Variants in NF1 observed in about 807,000 individuals in gnomAD.
NF1 encodes neurofibromin.
In NF1, 122 loss-of-function variants were observed where a neutral mutation model predicts 325.7. The observed-to-expected ratio is 0.37, with a 90% confidence interval of 0.32 to 0.44. The LOEUF (loss-of-function observed/expected upper bound fraction) is 0.44. Among genes scored for constraint, NF1 ranks in the 20% least tolerant of loss-of-function variants. The pLI is 1.00. For synonymous variants in NF1, 1,091 were observed against 1,186.0 expected (o/e 0.92, Z 1.65); for missense variants, 2,140 against 3,415.4 (o/e 0.63, Z 9.31).
intron 36 of NF1, among the ~76,000 whole-genome samples, chr17:31,271,399 G>A (rs944721168): frequency 5.3e-5 from 8 of 152,108 alleles, no homozygotes; most frequent in African/African-American, 1.9e-4. Context: ...ACAGATGAAT[G>A]TGTTATTTTG....
In NF1 at chr17:31,375,481, T is replaced by C. The variant is rs1472969729; in HGVS notation, c.*1326T>C. 4.3e-6 allele frequency: 1 copy of C among 231,612 alleles called. No individual in the cohort carries two copies. Among genetic ancestry groups the C allele is most frequent in the African/African-American group, 2.2e-5 (1 of 45,260 alleles). 14.3% of individuals were successfully genotyped at this position (231,612 alleles called of 1,614,324 possible). A position where few individuals can be genotyped will look rare whatever the true frequency, so the allele number is the denominator to read the frequency against. On this transcript the variant is annotated 3_prime_UTR_variant, in exon 58 of 58. Coordinates refer to ENST00000358273, the MANE Select transcript of NF1 (RefSeq NM_001042492.3). ...TAATGCAGATCCAATTTCTTTGTGG[T>C]ACCTGCAGTTTACAAAATAATTTGA...
chr17:31,103,756 G>A (rs1301130172), intron 1 of NF1, among the ~76,000 whole-genome samples: 1 of 151,910 alleles, frequency 6.6e-6, no homozygotes, highest in Non-Finnish European at 1.5e-5. Flanking sequence ...GATCACTTGG[G>A]CCTCAGAGTT....
chr17:31,252,741 G>A (rs1264442453), intron 30 of NF1, 197 bp from the exon 31 acceptor site: 1 of 581,166 alleles, frequency 1.7e-6, no homozygotes, highest in Non-Finnish European at 3.1e-6. Context: ...TGCTGTTTTA[G>A]TGCTTGGCTT....
intron 1 of NF1, among the ~76,000 whole-genome samples, chr17:31,131,839 A>G (rs917465453): frequency 3.3e-5 from 5 of 152,052 alleles, no homozygotes; most frequent in Non-Finnish European, 5.9e-5. Context: ...TATATAATCT[A>G]TTTAATCTCT....
chr17:31,227,440 A>G (rs2067035466), intron 19 of NF1, 83 bp from the exon 20 acceptor site: 3 of 1,478,504 alleles, frequency 2.0e-6, no homozygotes, highest in South Asian at 1.1e-5. Context: ...TTTAATATAC[A>G]TCAAGTTTGA....
intron 1 of NF1, among the ~76,000 whole-genome samples, chr17:31,116,402 T>A (rs1235477254): frequency 6.6e-6 from 1 of 152,020 alleles, no homozygotes; most frequent in Non-Finnish European, 1.5e-5. Flanking sequence ...CGTGGTGGTG[T>A]GTGGAGTGGT....
intron 11 of NF1, among the ~76,000 whole-genome samples, chr17:31,205,544 A>C (rs1332827258): frequency 6.6e-6 from 1 of 152,164 alleles, no homozygotes; most frequent in Non-Finnish European, 1.5e-5. Flanking sequence ...ATAGGCACTA[A>C]AAACTAGACA....
intron 36 of NF1, among the ~76,000 whole-genome samples, chr17:31,294,405 CA>C: frequency 6.6e-6 from 1 of 152,218 alleles, no homozygotes; most frequent in African/African-American, 2.4e-5. Flanking sequence ...GTCAAGTAGC[CA>C]AGAGTTCCTC....
chr17:31,223,896 A>G (rs1017973487), intron 16 of NF1, among the ~76,000 whole-genome samples: 12 of 152,306 alleles, frequency 7.9e-5, no homozygotes, highest in African/African-American at 2.6e-4. Flanking sequence ...TCTTAAGTTC[A>G]TACATAAGAC....
rs377472053 is a variant in NF1, at chr17:31,243,184, C to CTGTGTGTGTGTG, written c.3975-5782_3975-5771dup. On this transcript the variant is annotated intron_variant, in intron 29 of 57. Coordinates refer to ENST00000358273, the MANE Select transcript of NF1 (RefSeq NM_001042492.3). ...AAACAGAGTCAGTCTCTCTCTCTGT[C>CTGTGTGTGTGTG]TGTGTGTGTGTGTGTGTGTGTGTGT... Among the ~76,000 whole-genome samples, 726 of 137,558 alleles carry CTGTGTGTGTGTG rather than the reference C, an allele frequency of 5.3e-3. 8 individuals carry two copies. Among genetic ancestry groups the CTGTGTGTGTGTG allele is most frequent in the African/African-American group, 0.02 (662 of 33,702 alleles). 90.2% of individuals were successfully genotyped at this position (137,558 alleles called of 152,430 possible).
At chr17:31,230,016 T>A (rs745367100) in intron 22 of NF1, 42 bp downstream of exon 22, 1 of 1,609,226 alleles carries the variant, frequency 6.2e-7, no homozygotes, top group Admixed American at 1.7e-5. Flanking sequence ...TTTTAAGAGA[T>A]AAGAAAAACC....
At chr17:31,358,943 T>A in intron 55 of NF1, 26 bp from the exon 56 acceptor site, 1 of 1,606,044 alleles carries the variant, frequency 6.2e-7, no homozygotes, top group South Asian at 1.1e-5. Flanking sequence ...TTGCTTGTTA[T>A]AAGAGTAAAA....
rs2069714879 is a variant in NF1, at chr17:31,337,781, T to C, written c.6643-38T>C. ...ATTATTTAAACAGTTCTAAAAACATTTATGTACAATATGTATTCAGAGTAT... is the reference window on the plus strand; with the variant it reads ...ATTATTTAAACAGTTCTAAAAACATCTATGTACAATATGTATTCAGAGTAT... On this transcript the variant is annotated intron_variant, in intron 43 of 57. Coordinates refer to ENST00000358273, the MANE Select transcript of NF1 (RefSeq NM_001042492.3). 3.1e-6 allele frequency: 5 copies of C among 1,594,832 alleles called. No homozygotes were observed. The East Asian group carries it at 1.1e-4, about 36-fold the overall frequency.
intron 36 of NF1, among the ~76,000 whole-genome samples, chr17:31,284,371 C>T (rs993839960): frequency 9.2e-5 from 14 of 152,102 alleles, no homozygotes; most frequent in African/African-American, 3.4e-4. Context: ...CAACCTCCGC[C>T]CCCCAGGTTC....
intron 1 of NF1, among the ~76,000 whole-genome samples, chr17:31,145,407 G>A (rs1916516818): frequency 6.6e-6 from 1 of 152,084 alleles, no homozygotes; most frequent in Non-Finnish European, 1.5e-5. Flanking sequence ...GGCCAGGCTG[G>A]TCTCAAATTC....
intron 1 of NF1, among the ~76,000 whole-genome samples, chr17:31,123,641 G>A (rs1914624862): frequency 6.6e-6 from 1 of 152,194 alleles, no homozygotes; most frequent in Non-Finnish European, 1.5e-5. Context: ...AGTGAAGATA[G>A]TTGAAATGTT....
intron 1 of NF1, chr17:31,136,825 G>GA (rs1204043597): frequency 1.3e-5 from 2 of 151,990 alleles, no homozygotes; most frequent in Non-Finnish European, 1.5e-5. Context: ...GTATGTGTAG[G>GA]AAAAAAACAT....
In NF1 at chr17:31,221,995, T is replaced by A. The variant is rs535449551; in HGVS notation, c.1721+66T>A. 23 of 1,502,436 alleles carry A rather than the reference T, an allele frequency of 1.5e-5. No homozygotes were observed. In the African/African-American group the frequency reaches 3.1e-4, roughly 20 times the overall value. 93.1% of individuals were successfully genotyped at this position (1,502,436 alleles called of 1,614,324 possible). A position where few individuals can be genotyped will look rare whatever the true frequency, so the allele number is the denominator to read the frequency against. On this transcript the variant is annotated intron_variant, in intron 15 of 57. Transcript: ENST00000358273. ...TATTTTGTATTTTTGTCTTGAAATA[T>A]TAACTCTGTAGTACTTAGTACATTG... is the stretch of plus-strand genomic sequence containing the variant.
At chr17:31,251,608 G>T in intron 30 of NF1, 1 of 198,014 alleles carries the variant, frequency 5.1e-6, no homozygotes, top group East Asian at 7.9e-5. Context: ...ACTAATTTAT[G>T]ATTCTAAATA....
Sources: allele counts gnomAD v4.1 joint callset (sites outside exome capture counted in the v4.1 genomes callset), GRCh38; gene constraint gnomAD v4.1.1; transcripts MANE v1.5; gene names NCBI Gene and HGNC (gene_info 2026-07-23, HGNC 2026-07-21).